Variants in SNX25 observed in about 807,000 individuals in gnomAD.
The protein encoded by SNX25 is sorting nexin 25.
SNX25 carries 62 observed loss-of-function variants against 113.7 expected under a neutral mutation model. The observed-to-expected ratio is 0.55, with a 90% CI of 0.44 to 0.67. The LOEUF is 0.67. Among genes scored for constraint, SNX25 ranks in the 30% least tolerant of loss-of-function variants. SNX25 has a pLI of 0.00. For synonymous variants in SNX25, 421 were observed against 436.2 expected (o/e 0.97, Z 0.43); for missense variants, 1,014 against 1,161.0 (o/e 0.87, Z 1.84).
At chr4:185,373,185 T>A (rs2095421834), downstream of SNX25, 1 of 1,042,908 alleles carries the variant, frequency 9.6e-7, no homozygotes, top group African/African-American at 1.6e-5. Flanking sequence ...GCACTATTAA[T>A]CATCTCTAGG....
chr4:185,329,996 C>T (rs2095183157), intron 9 of SNX25, among the ~76,000 whole-genome samples: 1 of 152,090 alleles, frequency 6.6e-6, no homozygotes, highest in African/African-American at 2.4e-5. Flanking sequence ...CAACACCCAT[C>T]CTGGGTATCA....
intron 1 of SNX25, among the ~76,000 whole-genome samples, chr4:185,235,402 C>G (rs542439479): frequency 6.6e-6 from 1 of 152,300 alleles, no homozygotes; most frequent in African/African-American, 2.4e-5. Flanking sequence ...TTACTCAGTT[C>G]TTCTTCTGGA....
intron 1 of SNX25, among the ~76,000 whole-genome samples, chr4:185,227,934 C>T (rs73025887): frequency 2.4e-4 from 36 of 152,050 alleles, no homozygotes; most frequent in African/African-American, 8.2e-4. Context: ...GAGCAGCCCA[C>T]CAAGGAGAGA....
At chr4:185,316,960 G>T (rs1406412674) in intron 7 of SNX25, among the ~76,000 whole-genome samples, 1 of 152,152 alleles carries the variant, frequency 6.6e-6, no homozygotes, top group Non-Finnish European at 1.5e-5. Flanking sequence ...TTATAGAAAC[G>T]AATTATTAAT....
intron 2 of SNX25, among the ~76,000 whole-genome samples, chr4:185,254,104 A>G (rs1366956077): frequency 6.6e-6 from 1 of 152,142 alleles, no homozygotes; most frequent in Non-Finnish European, 1.5e-5. Flanking sequence ...AGAGGAAGCA[A>G]GGCTCGCATG....
chr4:185,225,026 C>T (rs1250454988), intron 1 of SNX25, among the ~76,000 whole-genome samples: 1 of 151,552 alleles, frequency 6.6e-6, no homozygotes, highest in Non-Finnish European at 1.5e-5. Flanking sequence ...TTCTTGACTT[C>T]CTCTATGGAA....
At chr4:185,240,776 G>C (rs1743775197) in intron 1 of SNX25, among the ~76,000 whole-genome samples, 1 of 151,578 alleles carries the variant, frequency 6.6e-6, no homozygotes, top group African/African-American at 2.4e-5. Context: ...TGGCTGCCGA[G>C]CGGAGGGGCT....
chr4:185,352,913 C>G (rs1464118195), intron 14 of SNX25: 1 of 152,948 alleles, frequency 6.5e-6, no homozygotes, highest in African/African-American at 2.4e-5. Flanking sequence ...GTCTGTCAGT[C>G]TCCCCAGAAG....
chr4:185,354,882 C>G (rs1041217692), intron 15 of SNX25, among the ~76,000 whole-genome samples: 3 of 152,186 alleles, frequency 2.0e-5, no homozygotes, highest in African/African-American at 7.2e-5. Flanking sequence ...GAAGAGGAAG[C>G]AAATGAGAAG....
intron 1 of SNX25, among the ~76,000 whole-genome samples, chr4:185,212,491 G>GTTTTTTTTTTT (rs61204525): frequency 9.5e-6 from 1 of 104,920 alleles, no homozygotes; most frequent in Non-Finnish European, 1.9e-5. Context: ...GTGTGTGTGT[G>GTTTTTTTTTTT]TTTTTTTTTT....
chr4:185,263,614 G>A (rs1479256943), intron 3 of SNX25, among the ~76,000 whole-genome samples: 2 of 152,148 alleles, frequency 1.3e-5, no homozygotes, highest in South Asian at 2.1e-4. Context: ...GGGTCCTAAA[G>A]GTACTAATAT....
intron 10 of SNX25, among the ~76,000 whole-genome samples, chr4:185,333,278 A>G (rs2126708449): frequency 6.6e-6 from 1 of 152,308 alleles, no homozygotes; most frequent in East Asian, 1.9e-4. Flanking sequence ...TGCTCTTTAG[A>G]ATTCAACAAG....
chr4:185,331,233 A>G (rs551041372), intron 9 of SNX25, among the ~76,000 whole-genome samples: 3 of 152,344 alleles, frequency 2.0e-5, no homozygotes, highest in East Asian at 1.9e-4. Flanking sequence ...GTTTTTGTAC[A>G]TATGGGATAG....
At chr4:185,314,743 A>T (rs927721423) in intron 7 of SNX25, among the ~76,000 whole-genome samples, 2 of 151,218 alleles carry the variant, frequency 1.3e-5, no homozygotes, top group South Asian at 4.2e-4. Flanking sequence ...CTATAATCCC[A>T]GGTACTCGGG....
intron 7 of SNX25, among the ~76,000 whole-genome samples, chr4:185,315,460 A>T (rs533167950): frequency 1.1e-3 from 166 of 151,776 alleles, no homozygotes; most frequent in African/African-American, 4.0e-3. Flanking sequence ...CGCCCAGCTA[A>T]TGTTTGTATT....
upstream of SNX25, among the ~76,000 whole-genome samples, chr4:185,205,334 G>C (rs1737141790): frequency 6.6e-6 from 1 of 151,942 alleles, no homozygotes; most frequent in Non-Finnish European, 1.5e-5. Context: ...TGAGCCTGTA[G>C]TCCCAGCTAC....
chr4:185,213,538 C>G (rs929265209), intron 1 of SNX25, among the ~76,000 whole-genome samples: 2 of 152,134 alleles, frequency 1.3e-5, no homozygotes, highest in Non-Finnish European at 1.5e-5. Flanking sequence ...CTAGGGCCAG[C>G]CTGCTGTTGG....
chr4:185,364,627 C>G (rs1561063237), downstream of SNX25: 1 of 151,964 alleles, frequency 6.6e-6, no homozygotes, highest in East Asian at 1.9e-4. Flanking sequence ...AATTAGTAAA[C>G]CAAATGTTAT....
At chr4:185,268,813 T>C (rs961565017) in intron 5 of SNX25, among the ~76,000 whole-genome samples, 7 of 152,194 alleles carry the variant, frequency 4.6e-5, no homozygotes, top group African/African-American at 1.2e-4. Flanking sequence ...AAATACATAA[T>C]GACAGCTTCA....
Sources: gnomAD v4.1 joint callset for allele counts (sites outside exome capture counted in the v4.1 genomes callset) on GRCh38, gnomAD v4.1.1 for gene constraint, MANE v1.5 for transcripts, NCBI Gene and HGNC (gene_info 2026-07-23, HGNC 2026-07-21) for gene names.